The following NAF1 variants were observed in gnomAD, a reference collection of about 807,000 sequenced individuals.
NAF1 encodes the protein nuclear assembly factor 1 ribonucleoprotein, also known as H/ACA ribonucleoprotein complex non-core subunit NAF1.
In NAF1, 11 loss-of-function variants were observed where a neutral mutation model predicts 40.6. The observed-to-expected ratio is 0.27, with a 90% CI of 0.17 to 0.45. NAF1 has a LOEUF of 0.45. NAF1 is among the 20% of genes least tolerant of loss of function. The probability of loss-of-function intolerance (pLI) is 1.00; values close to 1 mark genes in which losing one functional copy is unlikely to be tolerated. For synonymous variants in NAF1, 260 were observed against 228.5 expected, an observed-to-expected ratio of 1.14 and a Z score of -1.24; for missense variants, 607 against 611.1, an observed-to-expected ratio of 0.99 and a Z score of 0.07.
downstream of NAF1, among the ~76,000 whole-genome samples, chr4:163,123,956 T>G (rs1467514185): frequency 6.6e-6 from 1 of 152,244 alleles, no homozygotes; most frequent in Non-Finnish European, 1.5e-5. Flanking sequence ...AAGGTGAGGA[T>G]AATGACAACT....
At chr4:163,152,691 T>C (rs931800958) in intron 2 of NAF1, among the ~76,000 whole-genome samples, 2 of 152,242 alleles carry the variant, frequency 1.3e-5, no homozygotes, top group Admixed American at 6.5e-5. Context: ...CTGGCAGTCC[T>C]CACAGCCCTG....
chr4:163,161,164 A>G (rs1732202172), intron 2 of NAF1, among the ~76,000 whole-genome samples: 1 of 152,214 alleles, frequency 6.6e-6, no homozygotes, highest in South Asian at 2.1e-4. Flanking sequence ...AAATCCATGT[A>G]TAAGCTAGAA....
At chr4:163,150,060 G>C (rs975484106) in intron 2 of NAF1, among the ~76,000 whole-genome samples, 1 of 152,008 alleles carries the variant, frequency 6.6e-6, no homozygotes, top group Non-Finnish European at 1.5e-5. Context: ...ACAAAAATTT[G>C]AGTACTTTTG....
intron 7 of NAF1, among the ~76,000 whole-genome samples, chr4:163,132,292 A>G (rs1281653563): frequency 6.6e-6 from 1 of 152,246 alleles, no homozygotes; most frequent in Admixed American, 6.5e-5. Context: ...TTTATTCCTA[A>G]TAACCCCAAA....
At chr4:163,165,753 T>A (rs552320410) in intron 1 of NAF1, among the ~76,000 whole-genome samples, 43 of 152,132 alleles carry the variant, frequency 2.8e-4, no homozygotes, top group Non-Finnish European at 4.7e-4. Flanking sequence ...CCCAGAGATT[T>A]CATATTTAAA....
chr4:163,130,518 T>C (rs574049912), intron 7 of NAF1, among the ~76,000 whole-genome samples: 2 of 152,300 alleles, frequency 1.3e-5, no homozygotes, highest in Non-Finnish European at 1.5e-5. Flanking sequence ...CAAGACGTAT[T>C]ATAAAGTTTA....
intron 2 of NAF1, among the ~76,000 whole-genome samples, chr4:163,112,691 G>A (rs1216202309): frequency 6.6e-6 from 1 of 152,154 alleles, no homozygotes; most frequent in Non-Finnish European, 1.5e-5. Context: ...AGCAGCTGGG[G>A]TATAAGGCTC....
downstream of NAF1, among the ~76,000 whole-genome samples, chr4:163,123,846 A>G (rs1157944148): frequency 6.6e-6 from 1 of 152,240 alleles, no homozygotes; most frequent in Non-Finnish European, 1.5e-5. Flanking sequence ...AGAATTCTCC[A>G]TAGAAAGTGA....
intron 2 of NAF1, among the ~76,000 whole-genome samples, chr4:163,152,971 T>C (rs1310175470): frequency 1.3e-5 from 2 of 152,050 alleles, no homozygotes; most frequent in Non-Finnish European, 2.9e-5. Context: ...CCCCCAGCAG[T>C]GAGGGGCTTA....
intron 5 of NAF1, among the ~76,000 whole-genome samples, chr4:163,138,800 A>G (rs990827340): frequency 1.4e-4 from 21 of 152,298 alleles, no homozygotes; most frequent in African/African-American, 4.8e-4. Flanking sequence ...AACCTCTTCA[A>G]ATTTATCTGT....
At chr4:163,150,263 A>G (rs987961870) in intron 2 of NAF1, among the ~76,000 whole-genome samples, 6 of 152,166 alleles carry the variant, frequency 3.9e-5, no homozygotes, top group African/African-American at 4.8e-5. Flanking sequence ...AAAGTAAAAC[A>G]TGTTCCTATT....
At chr4:163,162,013 G>A (rs562549681) in intron 2 of NAF1, among the ~76,000 whole-genome samples, 30 of 151,580 alleles carry the variant, frequency 2.0e-4, no homozygotes, top group Non-Finnish European at 3.1e-4. Flanking sequence ...CTACACACTC[G>A]CCTACACAAA....
intron 5 of NAF1, among the ~76,000 whole-genome samples, chr4:163,138,554 G>A (rs1426503787): frequency 2.0e-5 from 3 of 152,118 alleles, no homozygotes; most frequent in African/African-American, 7.2e-5. Flanking sequence ...AGAACAGTAA[G>A]CTGGAAAGGA....
intron 2 of NAF1, among the ~76,000 whole-genome samples, chr4:163,150,140 C>G (rs987657596): frequency 6.6e-6 from 1 of 151,974 alleles, no homozygotes; most frequent in Non-Finnish European, 1.5e-5. Context: ...AGGAAAGGCC[C>G]CTGGTTTTGT....
intron 2 of NAF1, among the ~76,000 whole-genome samples, chr4:163,152,302 A>G (rs184662351): frequency 1.6e-3 from 240 of 152,388 alleles, no homozygotes; most frequent in Middle Eastern, 6.8e-3. Flanking sequence ...TGAGATCATT[A>G]TAACGTAATT....
At chr4:163,106,404 G>A (rs987961534), downstream of NAF1, among the ~76,000 whole-genome samples, 6 of 152,122 alleles carry the variant, frequency 3.9e-5, no homozygotes, top group African/African-American at 7.2e-5. Flanking sequence ...CAGTCCCACT[G>A]CTATACTTCA....
intron 3 of NAF1, among the ~76,000 whole-genome samples, 177 bp from the exon 4 acceptor site, chr4:163,146,041 A>C (rs1027135420): frequency 3.9e-5 from 6 of 152,174 alleles, no homozygotes; most frequent in African/African-American, 1.4e-4. Flanking sequence ...AGCACTGGGA[A>C]ATGTTTTTAT....
intron 2 of NAF1, among the ~76,000 whole-genome samples, chr4:163,152,689 C>T (rs1447040535): frequency 1.3e-5 from 2 of 152,240 alleles, no homozygotes; most frequent in Admixed American, 1.3e-4. Context: ...TGCTGGCAGT[C>T]CTCACAGCCC....
At chr4:163,120,049 T>G (rs982562278) in intron 2 of NAF1, 2 of 152,254 alleles carry the variant, frequency 1.3e-5, no homozygotes, top group Non-Finnish European at 2.9e-5. Context: ...TAAGAAAGCT[T>G]ATATAATTGA....
Sources: gnomAD v4.1 joint callset for allele counts (sites outside exome capture counted in the v4.1 genomes callset) on GRCh38, gnomAD v4.1.1 for gene constraint, MANE v1.5 for transcripts, NCBI Gene and HGNC (gene_info 2026-07-23, HGNC 2026-07-21) for gene names.